OLFM3: variants seen among roughly 807,000 people sequenced by gnomAD.
OLFM3 encodes noelin-3.
In OLFM3, 20 loss-of-function variants were observed where a neutral mutation model predicts 48.6. That is an observed-to-expected ratio of 0.41 (90% CI 0.29 to 0.60). OLFM3 has a LOEUF of 0.60. Among genes scored for constraint, OLFM3 ranks in the 20% least tolerant of loss-of-function variants. The probability of loss-of-function intolerance (pLI) is 0.28; values close to 1 mark genes in which losing one functional copy is unlikely to be tolerated. For synonymous variants in OLFM3, 222 were observed against 198.1 expected (o/e 1.12, Z -1.01); for missense variants, 437 against 544.3 (o/e 0.80, Z 1.96).
At chr1:101,898,467 C>T (rs1367441567) in intron 1 of OLFM3, among the ~76,000 whole-genome samples, 2 of 152,198 alleles carry the variant, frequency 1.3e-5, no homozygotes, top group Non-Finnish European at 2.9e-5. Flanking sequence ...TCAGACCTGA[C>T]TTCTCCATGT....
At chr1:101,966,855 G>A (rs1291801348) in intron 1 of OLFM3, among the ~76,000 whole-genome samples, 2 of 151,988 alleles carry the variant, frequency 1.3e-5, no homozygotes, top group East Asian at 3.9e-4. Flanking sequence ...TAGCAGTTTG[G>A]GTTTGATATA....
intron 1 of OLFM3, among the ~76,000 whole-genome samples, chr1:101,909,783 G>A (rs952264761): frequency 2.6e-5 from 4 of 152,104 alleles, no homozygotes; most frequent in Non-Finnish European, 4.4e-5. Context: ...TTTGAGTGTA[G>A]GCTGGCAGGT....
chr1:101,981,120 A>G (rs1300555962), intron 1 of OLFM3, among the ~76,000 whole-genome samples: 3 of 152,138 alleles, frequency 2.0e-5, no homozygotes, highest in Admixed American at 6.6e-5. Flanking sequence ...GCAGTGTGAA[A>G]AGCTGTCCTC....
At chr1:101,977,805 C>G (rs1205480677) in intron 1 of OLFM3, among the ~76,000 whole-genome samples, 1 of 151,866 alleles carries the variant, frequency 6.6e-6, no homozygotes, top group Non-Finnish European at 1.5e-5. Flanking sequence ...CTTTTTGTCC[C>G]ATGAACATAA....
At chr1:101,863,547 A>C (rs1656741229) in intron 1 of OLFM3, among the ~76,000 whole-genome samples, 1 of 152,168 alleles carries the variant, frequency 6.6e-6, no homozygotes, top group Non-Finnish European at 1.5e-5. Flanking sequence ...GGTTAATCTT[A>C]CTAGACTCAG....
At chr1:101,914,358 A>T (rs1043727540) in intron 1 of OLFM3, among the ~76,000 whole-genome samples, 16 of 152,186 alleles carry the variant, frequency 1.1e-4, no homozygotes, top group Non-Finnish European at 4.4e-5. Context: ...AGTCTCCGCC[A>T]GTAACTGGGA....
At chr1:101,937,211 C>T (rs1373634949) in intron 1 of OLFM3, among the ~76,000 whole-genome samples, 1 of 152,188 alleles carries the variant, frequency 6.6e-6, no homozygotes, top group Admixed American at 6.5e-5. Context: ...GCAAGGGCTA[C>T]ATGCTTTTTA....
chr1:101,894,317 C>T (rs1284385500), intron 1 of OLFM3, among the ~76,000 whole-genome samples: 5 of 152,018 alleles, frequency 3.3e-5, no homozygotes, highest in African/African-American at 1.2e-4. Flanking sequence ...ACACAGAGAA[C>T]CAGAAATACA....
chr1:101,842,314 G>T (rs1022600644), intron 1 of OLFM3, among the ~76,000 whole-genome samples: 2 of 152,092 alleles, frequency 1.3e-5, no homozygotes, highest in African/African-American at 4.8e-5. Context: ...CAGGTGGATG[G>T]CTTGAGCCCA....
intron 1 of OLFM3, among the ~76,000 whole-genome samples, chr1:101,863,510 T>C (rs1016950479): frequency 6.6e-6 from 1 of 152,208 alleles, no homozygotes; most frequent in Non-Finnish European, 1.5e-5. Flanking sequence ...CCCTTCCTGG[T>C]TATTCTCATC....
chr1:101,909,809 C>T (rs1019153106), intron 1 of OLFM3, among the ~76,000 whole-genome samples: 1 of 151,834 alleles, frequency 6.6e-6, no homozygotes. Context: ...TATTTATTTT[C>T]TGAAATAATT....
At chr1:101,889,334 G>A (rs1031314847) in intron 1 of OLFM3, among the ~76,000 whole-genome samples, 2 of 152,154 alleles carry the variant, frequency 1.3e-5, no homozygotes, top group Non-Finnish European at 2.9e-5. Context: ...AAAAAAGGAT[G>A]AGTTCATGTC....
At chr1:101,893,416 C>A in intron 1 of OLFM3, 2 of 321,440 alleles carry the variant, frequency 6.2e-6, no homozygotes, top group Non-Finnish European at 6.4e-6. Context: ...GTAAAAGCTG[C>A]AACAGAAAGA....
At chr1:101,853,638 G>C (rs1351790350) in intron 1 of OLFM3, among the ~76,000 whole-genome samples, 1 of 152,014 alleles carries the variant, frequency 6.6e-6, no homozygotes, top group Non-Finnish European at 1.5e-5. Context: ...AAATGAATAT[G>C]TTACTATTTA....
intron 1 of OLFM3, among the ~76,000 whole-genome samples, chr1:101,979,699 A>C (rs1557755429): frequency 6.6e-6 from 1 of 152,190 alleles, no homozygotes; most frequent in African/African-American, 2.4e-5. Flanking sequence ...AGGGCGGTAC[A>C]GAAGGGAAAT....
chr1:101,994,637 C>T (rs1661508170), intron 1 of OLFM3, among the ~76,000 whole-genome samples: 1 of 149,338 alleles, frequency 6.7e-6, no homozygotes, highest in Non-Finnish European at 1.5e-5. Context: ...ACAAAAGTAG[C>T]TTCTCTTCAT....
intron 1 of OLFM3, among the ~76,000 whole-genome samples, chr1:101,952,316 AG>A (rs1660166838): frequency 6.6e-6 from 1 of 152,112 alleles, no homozygotes; most frequent in Non-Finnish European, 1.5e-5. Flanking sequence ...TTAGTTTCCT[AG>A]TACTGAATAC....
chr1:101,804,799 T>C lies in OLFM3; in HGVS notation c.816A>G (p.Gly272=). 1 of 1,612,650 alleles carries C rather than the reference T, an allele frequency of 6.2e-7. No individual in the cohort carries two copies. Among genetic ancestry groups the C allele is most frequent in the Non-Finnish European group, 8.5e-7 (1 of 1,179,092 alleles). Residue 272 remains glycine (G), a synonymous_variant, in exon 6 of 6, where the codon GGA becomes GGG. Coordinates refer to ENST00000370103, the MANE Select transcript of OLFM3 (RefSeq NM_058170.4). The surrounding 1 kb of genome is among the most constrained non-coding windows in gnomAD (Gnocchi z 4.5). ...AGCCATTGTAGACAACATGGTTAGT[T>C]CCTGCCCACTTGAAAGGAAGGTTGT... The part of the protein sequence containing the change: ...RTYNLPFKWA[G]TNHVVYNGSL...
At chr1:101,908,208 T>C (rs1658617369) in intron 1 of OLFM3, among the ~76,000 whole-genome samples, 1 of 152,220 alleles carries the variant, frequency 6.6e-6, no homozygotes, top group African/African-American at 2.4e-5. Flanking sequence ...GCAATTTAAG[T>C]GATTTGACCA....
Sources: gnomAD v4.1 joint callset for allele counts (sites outside exome capture counted in the v4.1 genomes callset) on GRCh38, gnomAD v4.1.1 for gene constraint, Gnocchi (gnomAD v3.1) non-coding constraint, MANE v1.5 for transcripts, NCBI Gene and HGNC (gene_info 2026-07-23, HGNC 2026-07-21) for gene names.